Variants in SKAP1 observed in about 807,000 individuals in gnomAD.
SKAP1 encodes src kinase associated phosphoprotein 1.
Under a neutral mutation model 58.5 loss-of-function variants are expected in SKAP1, and 44 were observed. That is an observed-to-expected ratio of 0.75 (90% CI 0.59 to 0.97). The LOEUF (loss-of-function observed/expected upper bound fraction) is 0.97, where lower values mean the gene tolerates loss of function less well. Ranked by LOEUF, SKAP1 falls within the 50% of genes least tolerant of loss-of-function variation. The probability of loss-of-function intolerance (pLI) is 0.00; values close to 1 mark genes in which losing one functional copy is unlikely to be tolerated. For synonymous variants in SKAP1, 127 were observed against 149.7 expected (o/e 0.85, Z 1.11); for missense variants, 390 against 435.2 (o/e 0.90, Z 0.92).
At chr17:48,417,286 G>T (rs1161198826) in intron 1 of SKAP1, among the ~76,000 whole-genome samples, 1 of 152,016 alleles carries the variant, frequency 6.6e-6, no homozygotes, top group African/African-American at 2.4e-5. Flanking sequence ...TCCTGTAGAG[G>T]AAAAATGAAA....
At position 48,149,507 on chromosome 17, in the gene SKAP1, G is replaced by C. The variant is rs560777931; in HGVS notation, c.979-12170C>G. 3.9e-5 allele frequency among the ~76,000 whole-genome samples: 6 copies of C among 152,232 alleles called. No individual in the cohort carries two copies. The South Asian group carries it at 1.0e-3, about 26-fold the overall frequency. On this transcript the variant is annotated intron_variant, in intron 11 of 12. Coordinates refer to ENST00000336915, the MANE Select transcript of SKAP1 (RefSeq NM_003726.4). ...GAGGGAAAAGCAACGTCCCAGTTGC[G>C]GAGCCCTACAGCCTGTCGGTGTGTT...
At chr17:48,350,481 A>T (rs1007339380) in intron 3 of SKAP1, among the ~76,000 whole-genome samples, 1 of 152,126 alleles carries the variant, frequency 6.6e-6, no homozygotes, top group Non-Finnish European at 1.5e-5. Context: ...AGATCACCTG[A>T]GTTTCGGGTT....
intron 4 of SKAP1, among the ~76,000 whole-genome samples, chr17:48,276,037 C>A (rs1025099432): frequency 2.0e-5 from 3 of 152,028 alleles, no homozygotes; most frequent in Non-Finnish European, 4.4e-5. Flanking sequence ...ACATGCCCAC[C>A]ACAAAATACT....
At chr17:48,326,847 A>T (rs1282940928) in intron 4 of SKAP1, among the ~76,000 whole-genome samples, 4 of 151,918 alleles carry the variant, frequency 2.6e-5, no homozygotes, top group African/African-American at 9.7e-5. Context: ...GAGCCATTTT[A>T]AGTGTCGACC....
In SKAP1 at chr17:48,182,385, G is replaced by GACACTT. The variant is rs1233846368; in HGVS notation, c.631+3_631+8dup. ...ACTCAAGTATTATTTCTGTAACAAT[G>GACACTT]ACACTTACCCTTTAACAAGAAACTT... is the stretch of plus-strand genomic sequence containing the variant. On this transcript the variant is annotated intron_variant, in intron 8 of 12. Transcript: ENST00000336915. 6.3e-7 allele frequency: 1 copy of GACACTT among 1,581,932 alleles called. No homozygotes were observed. The highest frequency in any genetic ancestry group is 8.7e-7 in the Non-Finnish European group (1 of 1,155,350).
At chr17:48,163,644 C>G (rs2064099526) in intron 10 of SKAP1, among the ~76,000 whole-genome samples, 1 of 152,154 alleles carries the variant, frequency 6.6e-6, no homozygotes, top group Non-Finnish European at 1.5e-5. Flanking sequence ...TTGGGGGACT[C>G]TGTTCTATAG....
chr17:48,162,449 C>A lies in SKAP1; in HGVS notation c.978+20G>T. On this transcript the variant is annotated intron_variant, in intron 11 of 12. Transcript: ENST00000336915. Reference sequence around the variant, plus strand: ...GAAAAAATTGACTTTCTATTTAAGCCCCACACTTTCTGTCCTTACCTTGCT... The same window carrying A: ...GAAAAAATTGACTTTCTATTTAAGCACCACACTTTCTGTCCTTACCTTGCT... 6.4e-7 allele frequency: 1 copy of A among 1,563,766 alleles called. No individual in the cohort carries two copies. The highest frequency in any genetic ancestry group is 8.8e-7 in the Non-Finnish European group (1 of 1,138,174).
At chr17:48,330,860 A>AGCTCTTT (rs1158371251) in intron 4 of SKAP1, among the ~76,000 whole-genome samples, 7 of 152,112 alleles carry the variant, frequency 4.6e-5, no homozygotes, top group Admixed American at 1.3e-4. Context: ...GTAACCAAGT[A>AGCTCTTT]AAGAGAGCTA....
At chr17:48,243,558 T>C (rs935271307) in intron 4 of SKAP1, among the ~76,000 whole-genome samples, 1 of 152,306 alleles carries the variant, frequency 6.6e-6, no homozygotes, top group African/African-American at 2.4e-5. Context: ...TCCATACGAA[T>C]AGTGCCAAAG....
At chr17:48,423,525 C>T (rs371115470) in intron 1 of SKAP1, among the ~76,000 whole-genome samples, 31 of 152,300 alleles carry the variant, frequency 2.0e-4, no homozygotes, top group African/African-American at 7.2e-4. Flanking sequence ...CTGTCCAGTA[C>T]AGTAGCCACT....
chr17:48,327,289 T>A (rs981134757), intron 4 of SKAP1, among the ~76,000 whole-genome samples: 3 of 152,236 alleles, frequency 2.0e-5, no homozygotes, highest in African/African-American at 7.2e-5. Flanking sequence ...TTTTTAAAAA[T>A]TTTAAATATG....
At chr17:48,220,873 A>AAT (rs1555604752) in intron 4 of SKAP1, among the ~76,000 whole-genome samples, 1 of 91,706 alleles carries the variant, frequency 1.1e-5, no homozygotes, top group African/African-American at 3.7e-5. Flanking sequence ...AAAAAAAAAA[A>AAT]AAAAGAAAAG....
At position 48,302,931 on chromosome 17, in the gene SKAP1, A is replaced by T. The variant is rs564789335; in HGVS notation, c.280+42974T>A. ...TGAAGAAGTCAAATCACAGTGAATA[A>T]TAATTTTAAAAGAGTGAGCTGTGTT... On this transcript the variant is annotated intron_variant, in intron 4 of 12. Coordinates refer to ENST00000336915, the MANE Select transcript of SKAP1 (RefSeq NM_003726.4). 5.1e-4 allele frequency among the ~76,000 whole-genome samples: 78 copies of T among 152,332 alleles called. 1 individual carries two copies. Among genetic ancestry groups the T allele is most frequent in the Admixed American group, 2.8e-3 (43 of 15,300 alleles).
intron 10 of SKAP1, chr17:48,162,809 T>C: frequency 3.3e-6 from 1 of 302,996 alleles, no homozygotes. Context: ...TTCAACAATA[T>C]GATAAATATA....
intron 4 of SKAP1, among the ~76,000 whole-genome samples, chr17:48,240,857 T>C (rs1021561060): frequency 6.6e-6 from 1 of 152,208 alleles, no homozygotes; most frequent in Non-Finnish European, 1.5e-5. Context: ...CCACACATAG[T>C]ATGATGGCTT....
At chr17:48,403,018 C>T (rs2144553177) in intron 1 of SKAP1, among the ~76,000 whole-genome samples, 1 of 151,998 alleles carries the variant, frequency 6.6e-6, no homozygotes, top group Admixed American at 6.5e-5. Context: ...ATACTAGAAG[C>T]CATTGAGTTG....
intron 4 of SKAP1, among the ~76,000 whole-genome samples, chr17:48,245,367 A>G (rs1221933824): frequency 6.6e-6 from 1 of 152,216 alleles, no homozygotes; most frequent in Non-Finnish European, 1.5e-5. Context: ...TTTTAAAATT[A>G]CGATAGTGAC....
At chr17:48,244,401 T>C (rs2065273520) in intron 4 of SKAP1, among the ~76,000 whole-genome samples, 1 of 152,174 alleles carries the variant, frequency 6.6e-6, no homozygotes, top group Non-Finnish European at 1.5e-5. Context: ...ATTGACGCCA[T>C]AAAGGCAGTT....
At chr17:48,376,891 G>A (rs34938374) in intron 2 of SKAP1, among the ~76,000 whole-genome samples, 4,472 of 152,256 alleles carry the variant, frequency 0.029, 243 homozygotes, top group African/African-American at 0.1. Flanking sequence ...GCACATAAGA[G>A]TTGCTAAGGG....
Sources: gnomAD v4.1 joint callset for allele counts (sites outside exome capture counted in the v4.1 genomes callset) on GRCh38, gnomAD v4.1.1 for gene constraint, MANE v1.5 for transcripts, NCBI Gene and HGNC (gene_info 2026-07-23, HGNC 2026-07-21) for gene names.